Variants in EYS observed in about 807,000 individuals in gnomAD.
EYS encodes protein eyes shut homolog.
EYS carries 250 observed loss-of-function variants against 282.1 expected under a neutral mutation model. The observed-to-expected ratio is 0.89, with a 90% confidence interval of 0.80 to 0.98. EYS has a LOEUF of 0.98. Among genes scored for constraint, EYS ranks in the 50% least tolerant of loss-of-function variants. EYS has a pLI of 0.00. For missense variants in EYS, 4,016 were observed against 3,709.0 expected (o/e 1.08, Z -2.15); for synonymous variants, 1,355 against 1,282.9 (o/e 1.06, Z -1.20).
chr6:64,777,027 C>T (rs1214750301), intron 22 of EYS, among the ~76,000 whole-genome samples: 1 of 152,160 alleles, frequency 6.6e-6, no homozygotes, highest in African/African-American at 2.4e-5. Context: ...CACAGGAGAG[C>T]AGGAGAGAGA....
At position 65,443,307 on chromosome 6, in the gene EYS, T is replaced by C. The variant is rs529497435; in HGVS notation, c.863-37940A>G. On this transcript the variant is annotated intron_variant, in intron 5 of 42. Transcript: ENST00000503581. ...GCATGCATATATGCATACATGTGTG[T>C]ACACATATAGACATATATGCATACA... Among the ~76,000 whole-genome samples, 137 of 105,186 alleles carry C rather than the reference T, an allele frequency of 1.3e-3. 2 individuals are homozygous for C. Among genetic ancestry groups the C allele is most frequent in the African/African-American group, 3.2e-3 (119 of 37,162 alleles). The allele number at this position is 105,186 out of a possible 152,430, so 69.0% of individuals were successfully genotyped here.
intron 12 of EYS, among the ~76,000 whole-genome samples, chr6:65,206,310 A>G (rs1477275601): frequency 6.6e-6 from 1 of 151,734 alleles, no homozygotes; most frequent in African/African-American, 2.4e-5. Flanking sequence ...TAATTCCTGG[A>G]AACATACAAC....
chr6:63,851,985 G>A (rs1051863801), intron 36 of EYS, among the ~76,000 whole-genome samples: 11 of 151,568 alleles, frequency 7.3e-5, no homozygotes, highest in South Asian at 2.1e-4. Flanking sequence ...GTGAAACCCC[G>A]TCTCTACTAA....
At chr6:64,823,182 C>T (rs1351739924) in intron 19 of EYS, among the ~76,000 whole-genome samples, 1 of 151,510 alleles carries the variant, frequency 6.6e-6, no homozygotes, top group African/African-American at 2.4e-5. Flanking sequence ...ACGTTTATTA[C>T]CTACAAGAAT....
chr6:65,442,257 C>T (rs568314387), intron 5 of EYS, among the ~76,000 whole-genome samples: 2 of 151,998 alleles, frequency 1.3e-5, no homozygotes, highest in East Asian at 3.9e-4. Flanking sequence ...ATATCTATAT[C>T]TTATAGTCAA....
At chr6:64,788,018 T>A (rs1030934122) in intron 22 of EYS, among the ~76,000 whole-genome samples, 1 of 152,114 alleles carries the variant, frequency 6.6e-6, no homozygotes, top group Non-Finnish European at 1.5e-5. Flanking sequence ...TGAAGCTTTT[T>A]TTTCTGTTTC....
At chr6:65,120,483 A>AAAAAAAAAAAAAAAAAAAAAAAAAC (rs1775508970) in intron 12 of EYS, among the ~76,000 whole-genome samples, 1 of 143,866 alleles carries the variant, frequency 7.0e-6, no homozygotes, top group Non-Finnish European at 1.5e-5. Context: ...AAAAAAAAAA[A>AAAAAAAAAAAAAAAAAAAAAAAAAC]ATCTTTGGTT....
At chr6:65,526,190 C>T (rs1308655721) in intron 2 of EYS, among the ~76,000 whole-genome samples, 2 of 152,046 alleles carry the variant, frequency 1.3e-5, no homozygotes, top group African/African-American at 4.8e-5. Context: ...ATTCTATTGA[C>T]CTTATCTAAT....
intron 28 of EYS, among the ~76,000 whole-genome samples, chr6:64,401,226 T>C (rs961840627): frequency 1.3e-5 from 2 of 152,116 alleles, no homozygotes; most frequent in Non-Finnish European, 1.5e-5. Flanking sequence ...CTGATCATTT[T>C]TGAGCATTAC....
intron 26 of EYS, among the ~76,000 whole-genome samples, chr6:64,549,518 C>T (rs1764995708): frequency 6.6e-6 from 1 of 152,106 alleles, no homozygotes; most frequent in African/African-American, 2.4e-5. Flanking sequence ...ATGATGTGGC[C>T]AATTCTTTCT....
intron 12 of EYS, among the ~76,000 whole-genome samples, chr6:65,187,394 C>A (rs1413026266): frequency 6.6e-6 from 1 of 151,538 alleles, no homozygotes; most frequent in Non-Finnish European, 1.5e-5. Flanking sequence ...CGCATTTTTT[C>A]AACATATTCT....
intron 22 of EYS, among the ~76,000 whole-genome samples, chr6:64,793,076 C>T (rs1383367224): frequency 6.6e-6 from 1 of 152,020 alleles, no homozygotes; most frequent in Non-Finnish European, 1.5e-5. Context: ...CCTACATTTG[C>T]ATTGTTACTT....
At chr6:64,879,258 A>C (rs573350596) in intron 19 of EYS, among the ~76,000 whole-genome samples, 1 of 152,260 alleles carries the variant, frequency 6.6e-6, no homozygotes, top group Non-Finnish European at 1.5e-5. Flanking sequence ...AAAATACAAT[A>C]GCTGGCTTTG....
chr6:64,989,966 CAT>C (rs1180574117), intron 14 of EYS, among the ~76,000 whole-genome samples: 23 of 151,168 alleles, frequency 1.5e-4, no homozygotes, highest in African/African-American at 5.1e-4. Context: ...CAGAGATACA[CAT>C]ATTCTCTATT....
intron 31 of EYS, among the ~76,000 whole-genome samples, chr6:64,183,636 ATAATTTC>A (rs1309082999): frequency 6.6e-6 from 1 of 152,200 alleles, no homozygotes; most frequent in Admixed American, 6.5e-5. Flanking sequence ...ACAGGCTAGT[ATAATTTC>A]TAATATTTAA....
At position 65,386,289 on chromosome 6, in the gene EYS, G is replaced by A. The variant is rs527278849; in HGVS notation, c.1185-1789C>T. On this transcript the variant is annotated intron_variant, in intron 7 of 42. Transcript: ENST00000503581. ...GCTCAGAGAGGTTTGACCCAAAGGCGGAGGACTAATGTGTACTAGGCTTAA... is the reference window on the plus strand; with the variant it reads ...GCTCAGAGAGGTTTGACCCAAAGGCAGAGGACTAATGTGTACTAGGCTTAA... 7.9e-5 allele frequency among the ~76,000 whole-genome samples: 12 copies of A among 151,890 alleles called. 1 individual carries two copies. In the South Asian group the frequency reaches 1.2e-3, roughly 16 times the overall value.
chr6:65,641,822 A>G (rs983688086), intron 1 of EYS, among the ~76,000 whole-genome samples: 1 of 151,938 alleles, frequency 6.6e-6, no homozygotes, highest in Non-Finnish European at 1.5e-5. Flanking sequence ...GATGTCCTTA[A>G]CTTTTGTCTT....
At chr6:65,351,383 C>T (rs986162075) in intron 9 of EYS, among the ~76,000 whole-genome samples, 4 of 151,666 alleles carry the variant, frequency 2.6e-5, no homozygotes, top group African/African-American at 9.7e-5. Flanking sequence ...AAGATAATTG[C>T]TTTCTGCTAA....
chr6:64,481,700 GT>G (rs34878827), intron 26 of EYS, among the ~76,000 whole-genome samples: 45,205 of 150,988 alleles, frequency 0.3, 6,802 homozygotes, highest in East Asian at 0.47. Context: ...CTGAATTAAT[GT>G]GATCAAAGAA....
Sources: gnomAD v4.1 joint callset for allele counts (sites outside exome capture counted in the v4.1 genomes callset) on GRCh38, gnomAD v4.1.1 for gene constraint, MANE v1.5 for transcripts, NCBI Gene and HGNC (gene_info 2026-07-23, HGNC 2026-07-21) for gene names.